The following CYP7B1 variants were observed in gnomAD, a reference collection of about 807,000 sequenced individuals.
CYP7B1 encodes cytochrome P450 family 7 subfamily B member 1, also known as cytochrome P450 7B1.
In CYP7B1, 29 loss-of-function variants were observed where a neutral mutation model predicts 42.7. The observed-to-expected ratio is 0.68, with a 90% CI of 0.51 to 0.93. The LOEUF is 0.93. Ranked by LOEUF, CYP7B1 falls within the 40% of genes least tolerant of loss-of-function variation. CYP7B1 has a pLI of 0.00. For synonymous variants in CYP7B1, 235 were observed against 218.2 expected, an observed-to-expected ratio of 1.08 and a Z score of -0.68; for missense variants, 655 against 600.5, an observed-to-expected ratio of 1.09 and a Z score of -0.95.
intron 1 of CYP7B1, among the ~76,000 whole-genome samples, chr8:64,682,694 G>A (rs7834854): frequency 0.71 from 107,905 of 152,040 alleles, 39,107 homozygotes; most frequent in Middle Eastern, 0.82. Flanking sequence ...CTCTCTGCAC[G>A]TGCTCTAGAG....
intron 1 of CYP7B1, among the ~76,000 whole-genome samples, chr8:64,727,515 T>C (rs946739019): frequency 7.9e-5 from 12 of 152,174 alleles, no homozygotes; most frequent in African/African-American, 2.9e-4. Context: ...ACAAAGGACC[T>C]AAGTTTTTGA....
intron 1 of CYP7B1, among the ~76,000 whole-genome samples, chr8:64,686,990 G>T (rs997951310): frequency 7.6e-6 from 1 of 131,476 alleles, no homozygotes; most frequent in Admixed American, 7.7e-5. Flanking sequence ...CACAAACACT[G>T]CGGAAGGCCG....
intron 1 of CYP7B1, among the ~76,000 whole-genome samples, chr8:64,797,867 A>G (rs1192829264): frequency 1.3e-5 from 2 of 152,248 alleles, no homozygotes; most frequent in Non-Finnish European, 2.9e-5. Flanking sequence ...ACACACGTCT[A>G]GATTTTGTCA....
intron 4 of CYP7B1, among the ~76,000 whole-genome samples, chr8:64,613,122 C>T (rs1308769186): frequency 1.3e-5 from 2 of 152,138 alleles, no homozygotes; most frequent in African/African-American, 4.8e-5. Flanking sequence ...CGTGATGAAC[C>T]ATCCAGGCTG....
chr8:64,637,112 G>A lies in CYP7B1; in HGVS notation c.123-12573C>T, dbSNP rs147811215. Among the ~76,000 whole-genome samples the A allele has an allele frequency of 3.9e-5, 6 of 152,264 alleles. No individual in the cohort carries two copies. In the East Asian group the frequency reaches 1.2e-3, roughly 29 times the overall value. ...CAATATACAGATCAATGAGAATGAT[G>A]TATAAATGCATAGTCAAGTTAACAA... On this transcript the variant is annotated intron_variant, in intron 1 of 5. Transcript: ENST00000310193.
chr8:64,597,560 C>T (rs2129629772), intron 5 of CYP7B1, among the ~76,000 whole-genome samples: 1 of 152,252 alleles, frequency 6.6e-6, no homozygotes, highest in South Asian at 2.1e-4. Flanking sequence ...TATGAAAGTT[C>T]TATTAAAATC....
At chr8:64,737,791 T>G (rs914338819) in intron 1 of CYP7B1, among the ~76,000 whole-genome samples, 1 of 152,218 alleles carries the variant, frequency 6.6e-6, no homozygotes, top group South Asian at 2.1e-4. Flanking sequence ...TTTTTGTTTG[T>G]TTGGTTTTTG....
At chr8:64,628,893 T>C (rs146326425) in intron 1 of CYP7B1, among the ~76,000 whole-genome samples, 2 of 152,254 alleles carry the variant, frequency 1.3e-5, no homozygotes, top group African/African-American at 4.8e-5. Context: ...TGTTAAAAAC[T>C]TGACTAGTGA....
At chr8:64,655,420 A>T (rs1159817172) in intron 1 of CYP7B1, among the ~76,000 whole-genome samples, 1 of 152,232 alleles carries the variant, frequency 6.6e-6, no homozygotes, top group Non-Finnish European at 1.5e-5. Flanking sequence ...GTATGAAAAA[A>T]AGCTCAATAT....
At chr8:64,639,737 C>A (rs563898164) in intron 1 of CYP7B1, among the ~76,000 whole-genome samples, 180 of 152,058 alleles carry the variant, frequency 1.2e-3, no homozygotes, top group African/African-American at 4.0e-3. Flanking sequence ...AAATATGTGA[C>A]CTAACAATTC....
chr8:64,756,147 C>T (rs1807805019), intron 1 of CYP7B1, among the ~76,000 whole-genome samples: 1 of 152,186 alleles, frequency 6.6e-6, no homozygotes, highest in African/African-American at 2.4e-5. Flanking sequence ...TCATGTCCAA[C>T]TTTTAACTCT....
chr8:64,669,747 A>T (rs1806337738), intron 1 of CYP7B1, among the ~76,000 whole-genome samples: 2 of 151,626 alleles, frequency 1.3e-5, no homozygotes, highest in Non-Finnish European at 2.9e-5. Context: ...ACACACACAC[A>T]TACACACACC....
intron 1 of CYP7B1, among the ~76,000 whole-genome samples, chr8:64,736,894 C>A (rs1202624221): frequency 6.6e-6 from 1 of 151,952 alleles, no homozygotes; most frequent in Admixed American, 6.6e-5. Context: ...AAATTTTTAC[C>A]TAGTAATACT....
intron 1 of CYP7B1, among the ~76,000 whole-genome samples, chr8:64,705,229 T>TTG (rs1554533818): frequency 6.7e-6 from 1 of 149,876 alleles, no homozygotes; most frequent in African/African-American, 2.5e-5. Context: ...TTCAAAAAGG[T>TTG]GGGGGGGGGA....
chr8:64,680,958 C>T (rs1486647387), intron 1 of CYP7B1, among the ~76,000 whole-genome samples: 1 of 152,136 alleles, frequency 6.6e-6, no homozygotes. Context: ...AAATTACTTT[C>T]CTTGTTTACT....
intron 1 of CYP7B1, among the ~76,000 whole-genome samples, chr8:64,743,051 C>A (rs1393015723): frequency 2.0e-5 from 3 of 152,124 alleles, no homozygotes; most frequent in Non-Finnish European, 4.4e-5. Context: ...ACCTATGATA[C>A]CCTCTTAATG....
chr8:64,749,480 T>C (rs926595645), intron 1 of CYP7B1, among the ~76,000 whole-genome samples: 2 of 152,150 alleles, frequency 1.3e-5, no homozygotes, highest in African/African-American at 2.4e-5. Flanking sequence ...TAAATGATGA[T>C]GGCAAGCTGG....
At chr8:64,697,498 G>C (rs1040250425) in intron 1 of CYP7B1, among the ~76,000 whole-genome samples, 1 of 152,198 alleles carries the variant, frequency 6.6e-6, no homozygotes, top group Non-Finnish European at 1.5e-5. Flanking sequence ...GCCAGGCACA[G>C]AGTCAGCATT....
intron 1 of CYP7B1, among the ~76,000 whole-genome samples, chr8:64,778,164 A>G (rs1804357192): frequency 1.8e-5 from 2 of 109,720 alleles, no homozygotes; most frequent in African/African-American, 3.4e-5. Flanking sequence ...AAAGGGTAGA[A>G]CTAGTTTGAA....
Sources: gnomAD v4.1 joint callset for allele counts (sites outside exome capture counted in the v4.1 genomes callset) on GRCh38, gnomAD v4.1.1 for gene constraint, MANE v1.5 for transcripts, NCBI Gene and HGNC (gene_info 2026-07-23, HGNC 2026-07-21) for gene names.